Variants in PCM1 observed in about 807,000 individuals in gnomAD.
The protein encoded by PCM1 is pericentriolar material 1 protein.
A neutral mutation model predicts 241.9 loss-of-function variants in PCM1; 157 were observed. That is an observed-to-expected ratio of 0.65 (90% CI 0.57 to 0.74). The LOEUF (loss-of-function observed/expected upper bound fraction) is 0.74, where lower values mean the gene tolerates loss of function less well. Among genes scored for constraint, PCM1 ranks in the 30% least tolerant of loss-of-function variants. The pLI is 0.00. For synonymous variants in PCM1, 1,085 were observed against 784.9 expected, an observed-to-expected ratio of 1.38 and a Z score of -6.39; for missense variants, 3,478 against 2,360.1, an observed-to-expected ratio of 1.47 and a Z score of -9.81.
chr8:17,945,820 C>T (rs989361065), intron 6 of PCM1, among the ~76,000 whole-genome samples: 1 of 152,086 alleles, frequency 6.6e-6, no homozygotes, highest in Non-Finnish European at 1.5e-5. Flanking sequence ...CTTTGAACTT[C>T]TTTGCTCTCT....
rs765115113 is a variant in PCM1 at position 17,972,434 on chromosome 8, G to T, written c.3690G>T (p.Val1230=). Reference sequence around the variant, plus strand: ...CATTTATCAAGACTGGATTTTCAGTGTCTGTAGAAAAATCTACAAGTAGTA... The same window carrying T: ...CATTTATCAAGACTGGATTTTCAGTTTCTGTAGAAAAATCTACAAGTAGTA... ...EKPFIKTGFS[V]SVEKSTSSNR... The change falls in exon 23 of 39, where the codon GTG becomes GTT. Residue 1230 remains valine, a synonymous_variant. Coordinates refer to ENST00000325083, the MANE Select transcript of PCM1 (RefSeq NM_006197.4). 5.0e-6 allele frequency: 8 copies of T among 1,612,890 alleles called. No homozygotes were observed. Among genetic ancestry groups the T allele is most frequent in the Non-Finnish European group, 6.8e-6 (8 of 1,179,262 alleles).
intron 7 of PCM1, among the ~76,000 whole-genome samples, chr8:17,949,042 C>G (rs146991216): frequency 5.7e-4 from 86 of 152,180 alleles, no homozygotes; most frequent in African/African-American, 1.9e-3. Flanking sequence ...GGTCTTGTTT[C>G]TTTTTCTGAA....
intron 22 of PCM1, among the ~76,000 whole-genome samples, chr8:17,971,450 G>A (rs1407952831): frequency 6.6e-6 from 1 of 152,152 alleles, no homozygotes; most frequent in Admixed American, 6.5e-5. Flanking sequence ...TGTTTTATGT[G>A]TTTTCTCCCC....
chr8:17,957,335 G>A lies in PCM1; in HGVS notation c.1718G>A (p.Arg573Lys), dbSNP rs779798191. The A allele has an allele frequency of 1.9e-6, 3 of 1,611,586 alleles. No individual in the cohort carries two copies. In the South Asian group the frequency reaches 3.3e-5, roughly 18 times the overall value. The change falls in exon 12 of 39, where the codon AGA (arginine) becomes AAA (lysine). Residue 573 changes from arginine to lysine, a missense_variant. Physicochemically the swap from Arg to Lys is conservative, Grantham distance 26. Coordinates refer to ENST00000325083, the MANE Select transcript of PCM1 (RefSeq NM_006197.4). ...AATGCACAGTGTGTTTCTAATAATAGAGATGGGCGAACAGTTAATTCTAAT... is the reference window on the plus strand; with the variant it reads ...AATGCACAGTGTGTTTCTAATAATAAAGATGGGCGAACAGTTAATTCTAAT... ...HSNAQCVSNN[R>K]DGRTVNSNCE...
chr8:17,998,071 T>G (rs2087630061), intron 29 of PCM1, among the ~76,000 whole-genome samples: 1 of 151,264 alleles, frequency 6.6e-6, no homozygotes, highest in Non-Finnish European at 1.5e-5. Context: ...TCCCTTCCTG[T>G]GTTATCTTGA....
At position 17,995,986 on chromosome 8, in the gene PCM1, G is replaced by A. The variant is rs577516363; in HGVS notation, c.4827+2367G>A. On this transcript the variant is annotated intron_variant, in intron 29 of 38. Coordinates refer to ENST00000325083, the MANE Select transcript of PCM1 (RefSeq NM_006197.4). ...TATATATATATCATATACAAACAAG[G>A]ATAATTTGATTCTTCCTTTCCAGTT... Among the ~76,000 whole-genome samples, 9 of 152,202 alleles carry A rather than the reference G, an allele frequency of 5.9e-5. No homozygotes were observed. In the South Asian group the frequency reaches 1.9e-3, roughly 32 times the overall value.
At chr8:17,935,437 A>T (rs145606511) in intron 2 of PCM1, among the ~76,000 whole-genome samples, 152 bp from the exon 3 acceptor site, 15 of 152,352 alleles carry the variant, frequency 9.8e-5, no homozygotes, top group Non-Finnish European at 1.8e-4. Context: ...GTCACAGCTA[A>T]ATCAATTTGT....
At chr8:18,023,357 C>G (rs1253857635) in intron 36 of PCM1, among the ~76,000 whole-genome samples, 1 of 152,036 alleles carries the variant, frequency 6.6e-6, no homozygotes, top group Non-Finnish European at 1.5e-5. Context: ...AGATTTTGTT[C>G]TTTGGTAAGA....
intron 29 of PCM1, among the ~76,000 whole-genome samples, chr8:17,999,628 G>A (rs2088475356): frequency 6.6e-6 from 1 of 152,164 alleles, no homozygotes; most frequent in African/African-American, 2.4e-5. Flanking sequence ...TGGGGTTGGG[G>A]GAGGGGTGGC....
In PCM1 at chr8:18,001,872, A is replaced by G. The variant is rs533482244; in HGVS notation, c.4828-4391A>G. Among the ~76,000 whole-genome samples the G allele has an allele frequency of 6.2e-4, 94 of 152,146 alleles. No individual in the cohort carries two copies. In the Middle Eastern group the frequency reaches 0.017, roughly 28 times the overall value. On this transcript the variant is annotated intron_variant, in intron 29 of 38. Transcript: ENST00000325083. Reference sequence around the variant, plus strand: ...TGTATCTGACTTTACAGCTGAGAGGAAAAAGTCAGCTGATCGTGTCCAGAT... The same window carrying G: ...TGTATCTGACTTTACAGCTGAGAGGGAAAAGTCAGCTGATCGTGTCCAGAT...
intron 17 of PCM1, among the ~76,000 whole-genome samples, chr8:17,963,928 TC>T (rs1254237167): frequency 6.6e-6 from 1 of 152,220 alleles, no homozygotes; most frequent in Non-Finnish European, 1.5e-5. Context: ...GAACTTCTAT[TC>T]TTGGGGTCCC....
intron 24 of PCM1, among the ~76,000 whole-genome samples, chr8:17,982,803 T>C (rs575730119): frequency 6.6e-6 from 1 of 152,296 alleles, no homozygotes; most frequent in East Asian, 1.9e-4. Context: ...CCTGAAAAGA[T>C]TTATTTTTAG....
intron 2 of PCM1, among the ~76,000 whole-genome samples, chr8:17,928,793 G>T (rs942553082): frequency 1.3e-5 from 2 of 151,608 alleles, no homozygotes; most frequent in African/African-American, 4.8e-5. Flanking sequence ...CACCATACCT[G>T]GCTAATTTTT....
At chr8:17,933,142 T>C (rs75799922) in intron 2 of PCM1, among the ~76,000 whole-genome samples, 5,361 of 152,332 alleles carry the variant, frequency 0.035, 117 homozygotes, top group Non-Finnish European at 0.053. Flanking sequence ...TGTGAGGCTT[T>C]AATGACATAA....
intron 6 of PCM1, among the ~76,000 whole-genome samples, chr8:17,943,424 A>G (rs962806437): frequency 6.6e-6 from 1 of 152,186 alleles, no homozygotes; most frequent in Non-Finnish European, 1.5e-5. Flanking sequence ...ATAAACATGA[A>G]GCATAATAGG....
intron 29 of PCM1, among the ~76,000 whole-genome samples, chr8:18,003,663 A>G (rs2090352928): frequency 6.6e-6 from 1 of 152,154 alleles, no homozygotes; most frequent in Admixed American, 6.6e-5. Context: ...GCCAAGAAGC[A>G]CTTAAGATAC....
intron 2 of PCM1, among the ~76,000 whole-genome samples, chr8:17,930,339 G>T (rs186147053): frequency 1.3e-5 from 2 of 151,538 alleles, no homozygotes; most frequent in African/African-American, 2.4e-5. Context: ...TCCTGACCTC[G>T]TGATCCGCCT....
intron 10 of PCM1, 113 bp downstream of exon 10, chr8:17,955,766 C>G (rs2068072692): frequency 1.2e-6 from 1 of 828,124 alleles, no homozygotes; most frequent in Non-Finnish European, 2.0e-6. Flanking sequence ...TTGTTGTAAA[C>G]ATTCTTAAGG....
rs1335542708 is a variant in PCM1 at position 17,955,523 on chromosome 8, G to C, written c.1342G>C (p.Val448Leu). ...QRSTSAPSAS[V>L]GLAPVVNGES... ...AAGTACTTCAGCTCCCTCTGCTTCT[G>C]TAGGCTTGGCACCGGTTGTCAATGG... Residue 448 changes from valine (V) to leucine (L), a missense_variant, in exon 10 of 39, where the codon GTA becomes CTA. Transcript: ENST00000325083. 1.2e-6 allele frequency: 2 copies of C among 1,613,620 alleles called. No homozygotes were observed. Among genetic ancestry groups the C allele is most frequent in the Non-Finnish European group, 1.7e-6 (2 of 1,179,774 alleles).
Sources: gnomAD v4.1 joint callset for allele counts (sites outside exome capture counted in the v4.1 genomes callset) on GRCh38, gnomAD v4.1.1 for gene constraint, MANE v1.5 for transcripts, NCBI Gene and HGNC (gene_info 2026-07-23, HGNC 2026-07-21) for gene names.